The following STK24 variants were observed in gnomAD, a reference collection of about 807,000 sequenced individuals.
STK24 encodes serine/threonine kinase 24, also known as serine/threonine-protein kinase 24.
A neutral mutation model predicts 55.6 loss-of-function variants in STK24; 21 were observed. That is an observed-to-expected ratio of 0.38 (90% CI 0.27 to 0.54). STK24 has a LOEUF of 0.54. Among genes scored for constraint, STK24 ranks in the 20% least tolerant of loss-of-function variants. The pLI is 0.79. For missense variants in STK24, 383 were observed against 538.4 expected (o/e 0.71, Z 2.86); for synonymous variants, 200 against 215.2 (o/e 0.93, Z 0.62).
intron 1 of STK24, among the ~76,000 whole-genome samples, chr13:98,528,931 T>C (rs1430148193): frequency 6.6e-6 from 1 of 151,758 alleles, no homozygotes; most frequent in East Asian, 1.9e-4. Context: ...GGAAGGGGAG[T>C]TGGCTGCAGG....
Position 98,476,021 on chromosome 13 carries a change from AAT to A in STK24, c.331-665_331-664del, listed in dbSNP as rs370030269. The stretch of plus-strand genomic sequence containing the variant: ...CCTAATAGTTTGGGATTTGTTATAT[AAT>A]AGATATTATATAATAATAATAACTA... On this transcript the variant is annotated intron_variant, in intron 3 of 10. Coordinates refer to ENST00000539966, the MANE Select transcript of STK24 (RefSeq NM_001032296.4). Among the ~76,000 whole-genome samples, 635 of 151,762 alleles carry A rather than the reference AAT, an allele frequency of 4.2e-3. 4 individuals are homozygous for A. Among genetic ancestry groups the A allele is most frequent in the African/African-American group, 0.015 (606 of 41,448 alleles).
chr13:98,476,249 C>T (rs980149760), intron 3 of STK24, among the ~76,000 whole-genome samples: 6 of 148,602 alleles, frequency 4.0e-5, no homozygotes, highest in Non-Finnish European at 7.5e-5. Flanking sequence ...AGCCCCCCCC[C>T]GCCCCCTGCA....
chr13:98,490,894 A>G (rs1327036721), intron 2 of STK24, among the ~76,000 whole-genome samples: 2 of 151,788 alleles, frequency 1.3e-5, no homozygotes, highest in Admixed American at 6.6e-5. Flanking sequence ...CTGATTGCCT[A>G]CTAACCTGAG....
At chr13:98,556,409 T>C (rs890340601) in intron 1 of STK24, among the ~76,000 whole-genome samples, 1 of 152,252 alleles carries the variant, frequency 6.6e-6, no homozygotes, top group Admixed American at 6.5e-5. Flanking sequence ...CACGTTCCAC[T>C]GTACTGGAAG....
chr13:98,459,601 A>AC (rs1054570891), intron 9 of STK24, among the ~76,000 whole-genome samples: 1 of 152,156 alleles, frequency 6.6e-6, no homozygotes, highest in Admixed American at 6.5e-5. Context: ...CTCCTATGAC[A>AC]CTTCCTCTCC....
In STK24 at chr13:98,448,258, G is replaced by A. The variant is rs1892985423; in HGVS notation, c.*4915C>T. The A allele has an allele frequency of 1.9e-6, 3 of 1,613,938 alleles. No individual in the cohort carries two copies. The highest frequency in any genetic ancestry group is 1.1e-5 in the South Asian group (1 of 91,078). The stretch of plus-strand genomic sequence containing the variant: ...CAGGTGGATGGAAGTGATCCGCAGT[G>A]CCACCAGCTCTGCCTCGCGACCCCA... On this transcript the variant is annotated 3_prime_UTR_variant, in exon 11 of 11. Transcript: ENST00000539966.
At chr13:98,464,495 CT>C (rs551373383) in intron 6 of STK24, among the ~76,000 whole-genome samples, 47,831 of 106,740 alleles carry the variant, frequency 0.45, 9,176 homozygotes, top group Non-Finnish European at 0.55. Flanking sequence ...TGTTGTTTAA[CT>C]TTTTTTTTTT....
chr13:98,547,676 G>A (rs1897061025), intron 1 of STK24, among the ~76,000 whole-genome samples: 1 of 152,192 alleles, frequency 6.6e-6, no homozygotes, highest in African/African-American at 2.4e-5. Flanking sequence ...ATGGGCTGGG[G>A]AGGCAAGATT....
intron 1 of STK24, among the ~76,000 whole-genome samples, chr13:98,536,360 C>CT (rs34138053): frequency 1.6e-3 from 228 of 146,778 alleles, no homozygotes; most frequent in East Asian, 4.8e-3. Flanking sequence ...CTTCTTCTAT[C>CT]TTTTTTTTTT....
intron 1 of STK24, among the ~76,000 whole-genome samples, chr13:98,563,462 G>A (rs1292256455): frequency 6.6e-6 from 1 of 152,086 alleles, no homozygotes; most frequent in Non-Finnish European, 1.5e-5. Context: ...GATAACAAAG[G>A]GAAAAAAGAG....
At position 98,485,901 on chromosome 13, in the gene STK24, C is replaced by A. The variant is rs1894787343; in HGVS notation, c.274-3580G>T. 2.0e-5 allele frequency among the ~76,000 whole-genome samples: 3 copies of A among 152,288 alleles called. 1 individual carries two copies. Among genetic ancestry groups the A allele is most frequent in the Admixed American group, 2.0e-4 (3 of 15,304 alleles). ...GGGCTCTCTTCCTGTGCTCTATGCA[C>A]CAGCCATTAATGGAGGAGGACCCTA... On this transcript the variant is annotated intron_variant, in intron 2 of 10. Coordinates refer to ENST00000539966, the MANE Select transcript of STK24 (RefSeq NM_001032296.4).
At chr13:98,460,489 T>G in intron 8 of STK24, 49 bp from the exon 9 acceptor site, 1 of 1,516,308 alleles carries the variant, frequency 6.6e-7, no homozygotes, top group Admixed American at 1.7e-5. Flanking sequence ...GACGTTCACA[T>G]TGGCAATAAT....
chr13:98,445,978 C>G lies in STK24; in HGVS notation c.*7195G>C, dbSNP rs1336386258. 19 of 661,750 alleles carry G rather than the reference C, an allele frequency of 2.9e-5. No individual in the cohort carries two copies. The highest frequency in any genetic ancestry group is 4.8e-5 in the Non-Finnish European group (18 of 375,202). 41.0% of individuals were successfully genotyped at this position (661,750 alleles called of 1,614,324 possible). A position where few individuals can be genotyped will look rare whatever the true frequency, so the allele number is the denominator to read the frequency against. ...CACACACGGGGGAGCGGGGGTGGGG[C>G]CCACATCCTTCAGTCACGGACATGC... On this transcript the variant is annotated 3_prime_UTR_variant, in exon 11 of 11. Transcript: ENST00000539966.
chr13:98,558,011 C>T (rs546999755), intron 1 of STK24, among the ~76,000 whole-genome samples: 99 of 152,202 alleles, frequency 6.5e-4, no homozygotes, highest in African/African-American at 2.3e-3. Flanking sequence ...TACTTAATTA[C>T]CCCCTCCTCT....
chr13:98,485,560 T>G (rs577493304), intron 2 of STK24, among the ~76,000 whole-genome samples: 9 of 152,342 alleles, frequency 5.9e-5, no homozygotes, highest in Admixed American at 2.6e-4. Flanking sequence ...TCTAATCTTG[T>G]GGCTAATGTT....
intron 1 of STK24, among the ~76,000 whole-genome samples, chr13:98,528,586 C>T (rs879807404): frequency 4.6e-5 from 7 of 152,206 alleles, no homozygotes; most frequent in Non-Finnish European, 8.8e-5. Flanking sequence ...ATTCCATAAT[C>T]CCTTGAAAGA....
At chr13:98,542,978 C>G (rs1353553543) in intron 1 of STK24, 18 of 985,206 alleles carry the variant, frequency 1.8e-5, no homozygotes, top group Middle Eastern at 1.0e-3. Context: ...TCCACCACTT[C>G]CTGTAGCAGA....
chr13:98,560,919 C>G (rs1324941931), intron 1 of STK24, among the ~76,000 whole-genome samples: 1 of 148,938 alleles, frequency 6.7e-6, no homozygotes, highest in Admixed American at 6.7e-5. Context: ...AAAAAAAAAA[C>G]CATAATTCAG....
intron 1 of STK24, among the ~76,000 whole-genome samples, chr13:98,541,983 G>A (rs920935285): frequency 5.3e-5 from 8 of 152,108 alleles, no homozygotes; most frequent in Admixed American, 2.0e-4. Context: ...TCTCTTCCTT[G>A]GCACAGATCA....
Sources: allele counts gnomAD v4.1 joint callset (sites outside exome capture counted in the v4.1 genomes callset), GRCh38; gene constraint gnomAD v4.1.1; transcripts MANE v1.5; gene names NCBI Gene and HGNC (gene_info 2026-07-23, HGNC 2026-07-21).